COL5A3: variants seen among roughly 807,000 people sequenced by gnomAD.
COL5A3 encodes collagen type V alpha 3 chain.
Under a neutral mutation model 250.0 loss-of-function variants are expected in COL5A3, and 172 were observed. That is an observed-to-expected ratio of 0.69 (90% CI 0.61 to 0.78). The LOEUF (loss-of-function observed/expected upper bound fraction) is 0.78. Ranked by LOEUF, COL5A3 falls within the 30% of genes least tolerant of loss-of-function variation. The pLI is 0.00. For missense variants in COL5A3, 2,340 were observed against 2,334.4 expected (o/e 1.00, Z -0.05); for synonymous variants, 937 against 900.4 (o/e 1.04, Z -0.73).
intron 5 of COL5A3, 102 bp from the exon 6 acceptor site, chr19:10,003,816 C>T (rs2087398921): frequency 6.8e-7 from 1 of 1,478,896 alleles, no homozygotes; most frequent in East Asian, 2.3e-5. Context: ...TGGGTCCTCA[C>T]TCAGCCCTGT....
At chr19:9,991,223 C>A (rs2087184245) in intron 24 of COL5A3, among the ~76,000 whole-genome samples, 1 of 152,160 alleles carries the variant, frequency 6.6e-6, no homozygotes, top group Non-Finnish European at 1.5e-5. Context: ...GCCTGGGCGA[C>A]AGAGTGAGAC....
In COL5A3 at chr19:9,968,745, G is replaced by A. The variant is rs1196881137; in HGVS notation, c.4153-17C>T. The A allele has an allele frequency of 6.2e-7, 1 of 1,604,948 alleles. No homozygotes were observed. The highest frequency in any genetic ancestry group is 1.3e-5 in the African/African-American group (1 of 74,758). Reference sequence around the variant, plus strand: ...AGAGGGCCCCTGGGAGAAGAGCAAGGGTCAGTTAGGGATTCTCAAATGTGA... The same window carrying A: ...AGAGGGCCCCTGGGAGAAGAGCAAGAGTCAGTTAGGGATTCTCAAATGTGA... On this transcript the variant is annotated splice_polypyrimidine_tract_variant and intron_variant, in intron 57 of 66. Transcript: ENST00000264828. The surrounding 1 kb of genome is among the most constrained non-coding windows in gnomAD (Gnocchi z 4.1).
intron 31 of COL5A3, 67 bp downstream of exon 31, chr19:9,985,775 G>A: frequency 7.0e-7 from 1 of 1,434,294 alleles, no homozygotes; most frequent in African/African-American, 1.4e-5. Context: ...CCACAGCCTG[G>A]ACCCCCAGAT....
At chr19:9,996,593 G>A (rs751830748) in intron 12 of COL5A3, 22 bp downstream of exon 12, 1 of 1,613,804 alleles carries the variant, frequency 6.2e-7, no homozygotes, top group Non-Finnish European at 8.5e-7. Context: ...CCCAAGGCTG[G>A]GCCACTCCAT....
At chr19:10,007,845 A>C in intron 1 of COL5A3, among the ~76,000 whole-genome samples, 2 of 146,142 alleles carry the variant, frequency 1.4e-5, no homozygotes, top group Non-Finnish European at 3.0e-5. Context: ...TTCTCTCCCC[A>C]TCCCTGCCCG....
intron 44 of COL5A3, 68 bp downstream of exon 44, chr19:9,977,161 C>G (rs766114107): frequency 2.5e-5 from 37 of 1,488,358 alleles, no homozygotes; most frequent in Non-Finnish European, 3.5e-5. Flanking sequence ...AGAATGATCT[C>G]TACATCCCTG....
rs753704267 is a variant in COL5A3, at chr19:9,966,527, G to A, written c.4669+9C>T. On this transcript the variant is annotated intron_variant, in intron 63 of 66. Transcript: ENST00000264828. ...CGCCCATCCAAGTGGCGGGGGGACC[G>A]GACCTCACCATCAGGCAGGTGCGGG... 1.3e-6 allele frequency: 2 copies of A among 1,538,744 alleles called. No individual in the cohort carries two copies. Among genetic ancestry groups the A allele is most frequent in the East Asian group, 4.9e-5 (2 of 41,196 alleles).
Position 9,995,607 on chromosome 19 carries a change from C to T in COL5A3, c.1544G>A (p.Gly515Asp). The T allele has an allele frequency of 6.3e-7, 1 of 1,597,234 alleles. No individual in the cohort carries two copies. Among genetic ancestry groups the T allele is most frequent in the Non-Finnish European group, 8.5e-7 (1 of 1,171,972 alleles). Residue 515 changes from glycine to aspartate, a missense_variant, in exon 16 of 67, where the codon GGC becomes GAC. Around this residue, in one of 3 missense-constraint regions of COL5A3, gnomAD observed 1,152 missense variants for 1,146.3 expected, o/e 1.00. Coordinates refer to ENST00000264828, the MANE Select transcript of COL5A3 (RefSeq NM_015719.4). ...AGGGGGTCCATGAGGTCCCTGCAGG[C>T]CTCGGGGACCCTAGAAGAAAGCAAA... Reference protein sequence around the residue: ...EGAEGPQGPRGLQGPHGPPGR... With the variant: ...EGAEGPQGPRDLQGPHGPPGR...
chr19:9,960,628 T>G (rs1166149674), intron 66 of COL5A3, 23 bp downstream of exon 66: 2 of 1,613,708 alleles, frequency 1.2e-6, no homozygotes, highest in South Asian at 2.2e-5. Context: ...CCTCTCTAGC[T>G]GGCCACTGCC....
intron 35 of COL5A3, 104 bp from the exon 36 acceptor site, chr19:9,980,151 T>C (rs1177985387): frequency 1.6e-5 from 18 of 1,109,290 alleles, no homozygotes; most frequent in Non-Finnish European, 2.3e-5. Context: ...GAGTGCTTAC[T>C]GCATGCCAGG....
chr19:9,988,930 G>C (rs1246131890), intron 27 of COL5A3, among the ~76,000 whole-genome samples, 194 bp downstream of exon 27: 5 of 151,700 alleles, frequency 3.3e-5, no homozygotes, highest in Non-Finnish European at 7.4e-5. Flanking sequence ...AATGGGCTTA[G>C]CTGTTCTAAC....
intron 14 of COL5A3, 27 bp downstream of exon 14, chr19:9,996,179 C>A (rs1449596422): frequency 6.4e-7 from 1 of 1,557,214 alleles, no homozygotes. Context: ...GCATGCACCG[C>A]CCCCTCCACG....
Position 9,966,549 on chromosome 19 carries a change from C to T in COL5A3, c.4656G>A (p.Pro1552=), listed in dbSNP as rs778717136. 2 of 1,543,522 alleles carry T rather than the reference C, an allele frequency of 1.3e-6. No homozygotes were observed. The highest frequency in any genetic ancestry group is 2.4e-5 in the South Asian group (2 of 84,272). The change falls in exon 63 of 67, where the codon CCG becomes CCA. Residue 1552 remains proline (P), a synonymous_variant. Transcript: ENST00000264828. ...ACCGGACCTCACCATCAGGCAGGTGCGGGTGGTTGCGGTGCAGCTCGTGGC... is the reference window on the plus strand; with the variant it reads ...ACCGGACCTCACCATCAGGCAGGTGTGGGTGGTTGCGGTGCAGCTCGTGGC... The part of the protein sequence containing the change: ...LVCHELHRNH[P]HLPDGEYWID...
At chr19:9,971,329 A>C in intron 51 of COL5A3, 71 bp from the exon 52 acceptor site, 1 of 1,199,850 alleles carries the variant, frequency 8.3e-7, no homozygotes, top group Non-Finnish European at 1.2e-6. Context: ...GAACAGATCA[A>C]CTGTATCCAG....
At position 10,005,800 on chromosome 19, in the gene COL5A3, C is replaced by T; in HGVS notation, c.433G>A (p.Gly145Ser). ...GCCCACTCTCCCCATGCTCACCTGC[C>T]ATCTGTGAGGTTGACCTGCTGGGGG... The part of the protein sequence containing the change: ...PLPQQVNLTD[G>S]RWHRVAVSID... The change falls in exon 3 of 67, where the codon GGC (glycine) becomes AGC (serine). Residue 145 changes from glycine (G) to serine (S), a missense_variant. Around this residue, in one of 3 missense-constraint regions of COL5A3, gnomAD observed 1,152 missense variants for 1,146.3 expected, o/e 1.00. Coordinates refer to ENST00000264828, the MANE Select transcript of COL5A3 (RefSeq NM_015719.4). 2 of 1,610,070 alleles carry T rather than the reference C, an allele frequency of 1.2e-6. No individual in the cohort carries two copies. The highest frequency in any genetic ancestry group is 1.7e-6 in the Non-Finnish European group (2 of 1,177,484).
chr19:9,970,475 TG>T (rs1160809926), intron 54 of COL5A3, 146 bp downstream of exon 54: 34 of 201,478 alleles, frequency 1.7e-4, no homozygotes, highest in African/African-American at 5.8e-4. Context: ...GTGGGGTCTG[TG>T]GGGTGAGTGG....
In COL5A3 at chr19:9,980,853, G is replaced by A. The variant is rs145443545; in HGVS notation, c.2512C>T (p.Arg838Cys). The A allele has an allele frequency of 5.3e-5, 86 of 1,609,836 alleles. No individual in the cohort carries two copies. The highest frequency in any genetic ancestry group is 5.1e-4 in the Middle Eastern group (3 of 5,888). ...GCACCCGGTTGCCCCCTCTCTCCAC[G>A]GGAACCCTGAACAAAAAAAAAAGGC... Reference protein sequence around the residue: ...LEGERGPPGSRGERGQPGATG... With the variant: ...LEGERGPPGSCGERGQPGATG... The change falls in exon 34 of 67, where the codon CGT becomes TGT. Residue 838 changes from arginine to cysteine, a missense_variant. By Grantham distance (180) the Arg-to-Cys change is radical (BLOSUM62 -3). Transcript: ENST00000264828.
chr19:9,973,843 T>C (rs766710427), intron 48 of COL5A3, 34 bp from the exon 49 acceptor site: 10 of 1,612,074 alleles, frequency 6.2e-6, no homozygotes, highest in Non-Finnish European at 7.6e-6. Flanking sequence ...AGTGGGACTG[T>C]GGAATCCCAA....
chr19:9,985,805 C>A (rs1216739072), intron 31 of COL5A3, 37 bp downstream of exon 31: 1 of 1,584,692 alleles, frequency 6.3e-7, no homozygotes, highest in Non-Finnish European at 8.7e-7. Flanking sequence ...TGAATCCTGC[C>A]CATATCCATC....
Sources: gnomAD v4.1 joint callset for allele counts (sites outside exome capture counted in the v4.1 genomes callset) on GRCh38, gnomAD v4.1.1 for gene constraint, gnomAD v4.1.1 regional missense constraint, Gnocchi (gnomAD v3.1) non-coding constraint, MANE v1.5 for transcripts, NCBI Gene and HGNC (gene_info 2026-07-23, HGNC 2026-07-21) for gene names.